The following MAN1A1 variants were observed in gnomAD, a reference collection of about 807,000 sequenced individuals.
The protein encoded by MAN1A1 is mannosyl-oligosaccharide 1,2-alpha-mannosidase IA.
A neutral mutation model predicts 70.8 loss-of-function variants in MAN1A1; 29 were observed. The observed-to-expected ratio is 0.41, with a 90% CI of 0.31 to 0.56. MAN1A1 has a LOEUF of 0.56. Ranked by LOEUF, MAN1A1 falls within the 20% of genes least tolerant of loss-of-function variation. MAN1A1 has a pLI of 0.29. For synonymous variants in MAN1A1, 349 were observed against 330.1 expected, an observed-to-expected ratio of 1.06 and a Z score of -0.62; for missense variants, 747 against 841.3, an observed-to-expected ratio of 0.89 and a Z score of 1.39.
intron 5 of MAN1A1, among the ~76,000 whole-genome samples, chr6:119,253,818 C>T (rs1198051836): frequency 1.3e-5 from 2 of 152,178 alleles, no homozygotes; most frequent in Admixed American, 6.5e-5. Flanking sequence ...TTGCAAAGTG[C>T]TCCATCCCGT....
intron 2 of MAN1A1, among the ~76,000 whole-genome samples, chr6:119,344,025 C>T (rs1773665203): frequency 6.6e-6 from 1 of 152,190 alleles, no homozygotes. Context: ...TAATCTGATT[C>T]AAATATGTAA....
intron 1 of MAN1A1, 58 bp from the exon 2 acceptor site, chr6:119,349,345 G>A (rs894482647): frequency 9.0e-7 from 1 of 1,113,628 alleles, no homozygotes; most frequent in Non-Finnish European, 1.1e-6. Flanking sequence ...GTTTCCAGCG[G>A]GTCTCCGCCC....
chr6:119,200,721 T>C (rs1224321943), intron 8 of MAN1A1, among the ~76,000 whole-genome samples: 2 of 152,192 alleles, frequency 1.3e-5, no homozygotes, highest in Admixed American at 6.5e-5. Flanking sequence ...GTGCAATACT[T>C]TCTCCCATCC....
At chr6:119,263,462 G>T (rs1343080481) in intron 5 of MAN1A1, among the ~76,000 whole-genome samples, 1 of 152,080 alleles carries the variant, frequency 6.6e-6, no homozygotes, top group Non-Finnish European at 1.5e-5. Context: ...GAGTACATAT[G>T]GACACAAAGA....
chr6:119,301,229 C>T (rs1772381046), intron 4 of MAN1A1, among the ~76,000 whole-genome samples: 1 of 152,188 alleles, frequency 6.6e-6, no homozygotes, highest in Non-Finnish European at 1.5e-5. Flanking sequence ...TAAAAACTTC[C>T]ATGGCCTACA....
intron 11 of MAN1A1, among the ~76,000 whole-genome samples, chr6:119,183,028 G>A (rs1380114354): frequency 6.6e-6 from 1 of 152,152 alleles, no homozygotes; most frequent in Non-Finnish European, 1.5e-5. Context: ...GAAAAGAGGC[G>A]AGGGAAAGTA....
At chr6:119,218,580 C>A (rs2114254402) in intron 6 of MAN1A1, among the ~76,000 whole-genome samples, 1 of 151,648 alleles carries the variant, frequency 6.6e-6, no homozygotes, top group East Asian at 1.9e-4. Flanking sequence ...ACACAAAAAA[C>A]TTGATTCCAG....
In MAN1A1 at chr6:119,306,966, A is replaced by G. The variant is rs764920721; in HGVS notation, c.630T>C (p.Tyr210=). ...CATTTAATCCCCAGGCATAACCTTT[A>G]TAATTATTCCAAGCATGTTTCATCA... The part of the protein sequence containing the change: ...KEMMKHAWNN[Y]KGYAWGLNEL... Residue 210 remains tyrosine, a synonymous_variant, in exon 3 of 13, where the codon TAT becomes TAC. Transcript: ENST00000368468. 1.9e-5 allele frequency: 30 copies of G among 1,591,494 alleles called. No homozygotes were observed. Among genetic ancestry groups the G allele is most frequent in the Non-Finnish European group, 2.3e-5 (27 of 1,160,140 alleles).
chr6:119,199,055 T>C (rs1490868824), intron 8 of MAN1A1, among the ~76,000 whole-genome samples: 1 of 152,222 alleles, frequency 6.6e-6, no homozygotes, highest in African/African-American at 2.4e-5. Flanking sequence ...CTTTGGTCAT[T>C]TGGAAAATCC....
intron 2 of MAN1A1, among the ~76,000 whole-genome samples, chr6:119,315,442 G>C (rs893688563): frequency 6.6e-6 from 1 of 152,156 alleles, no homozygotes; most frequent in African/African-American, 2.4e-5. Context: ...CTGTTTCTAA[G>C]AAGTATCTCG....
chr6:119,277,978 TAAATAAATAAAA>T (rs1483908671), intron 5 of MAN1A1, among the ~76,000 whole-genome samples: 1 of 87,404 alleles, frequency 1.1e-5, no homozygotes, highest in African/African-American at 4.3e-5. Context: ...AATAAATAAA[TAAATAAATAAAA>T]AAAAAGTAAT....
chr6:119,195,779 T>C (rs1253588473), intron 8 of MAN1A1, among the ~76,000 whole-genome samples: 1 of 152,140 alleles, frequency 6.6e-6, no homozygotes, highest in Non-Finnish European at 1.5e-5. Context: ...TGTTTTAAAG[T>C]AGTTAAGTAT....
At position 119,318,014 on chromosome 6, in the gene MAN1A1, G is replaced by C. The variant is rs185009347; in HGVS notation, c.604-11022C>G. ...CTGAAAGTAATCCTTTCATACTGCT[G>C]ATAACAGTTTTACAAATTATTATCT... On this transcript the variant is annotated intron_variant, in intron 2 of 12. Transcript: ENST00000368468. Among the ~76,000 whole-genome samples the C allele has an allele frequency of 1.2e-3, 175 of 152,118 alleles. 1 individual carries two copies. Among genetic ancestry groups the C allele is most frequent in the South Asian group, 1.2e-3 (6 of 4,810 alleles).
chr6:119,251,966 C>T (rs536043502), intron 5 of MAN1A1, among the ~76,000 whole-genome samples: 1 of 152,294 alleles, frequency 6.6e-6, no homozygotes, highest in Non-Finnish European at 1.5e-5. Context: ...TAAATGTCCC[C>T]TCGAGAGGTC....
At chr6:119,317,510 T>C (rs1279939798) in intron 2 of MAN1A1, among the ~76,000 whole-genome samples, 1 of 152,220 alleles carries the variant, frequency 6.6e-6, no homozygotes, top group Non-Finnish European at 1.5e-5. Context: ...CTTCTTTCAC[T>C]TAGCAACATG....
In MAN1A1 at chr6:119,250,320, GT is replaced by G. The variant is rs1775282577; in HGVS notation, c.898-1967del. On this transcript the variant is annotated intron_variant, in intron 5 of 12. Coordinates refer to ENST00000368468, the MANE Select transcript of MAN1A1 (RefSeq NM_005907.4). The stretch of plus-strand genomic sequence containing the variant: ...AAGTTGGATATAACCATATGGCACA[GT>G]TGAGGGCTTTGAAGCACAATGCCTG... Among the ~76,000 whole-genome samples, 6 of 152,336 alleles carry G rather than the reference GT, an allele frequency of 3.9e-5. No individual in the cohort carries two copies. The South Asian group carries it at 1.2e-3, about 32-fold the overall frequency.
intron 6 of MAN1A1, among the ~76,000 whole-genome samples, chr6:119,211,705 A>G (rs1294592813): frequency 6.6e-6 from 1 of 152,204 alleles, no homozygotes; most frequent in Non-Finnish European, 1.5e-5. Flanking sequence ...AATGAGGAAA[A>G]TAACAACAGG....
At chr6:119,326,449 A>G (rs1304120084) in intron 2 of MAN1A1, among the ~76,000 whole-genome samples, 3 of 152,240 alleles carry the variant, frequency 2.0e-5, no homozygotes. Flanking sequence ...TAACAAATGG[A>G]GTATGCACCT....
At chr6:119,323,972 CAA>C (rs1021194543) in intron 2 of MAN1A1, among the ~76,000 whole-genome samples, 20 of 152,288 alleles carry the variant, frequency 1.3e-4, no homozygotes, top group South Asian at 8.3e-4. Context: ...ACCACTACTA[CAA>C]TATAGGTAAA....
Sources: allele counts gnomAD v4.1 joint callset (sites outside exome capture counted in the v4.1 genomes callset), GRCh38; gene constraint gnomAD v4.1.1; transcripts MANE v1.5; gene names NCBI Gene and HGNC (gene_info 2026-07-23, HGNC 2026-07-21).